ELP4: variants seen among roughly 807,000 people sequenced by gnomAD.
The protein encoded by ELP4 is elongator acetyltransferase complex subunit 4.
ELP4 carries 51 observed loss-of-function variants against 48.9 expected under a neutral mutation model. The ratio of observed to expected loss-of-function variants is 1.04; its 90% CI spans 0.83 to 1.32. The LOEUF (loss-of-function observed/expected upper bound fraction) is 1.32, where lower values mean the gene tolerates loss of function less well. ELP4 is among the 40% of genes most tolerant of loss of function. ELP4 has a pLI of 0.00. For synonymous variants in ELP4, 210 were observed against 189.2 expected, an observed-to-expected ratio of 1.11 and a Z score of -0.90; for missense variants, 519 against 514.6, an observed-to-expected ratio of 1.01 and a Z score of -0.08.
intron 4 of ELP4, among the ~76,000 whole-genome samples, chr11:31,598,019 G>A (rs1012116495): frequency 1.6e-5 from 2 of 128,480 alleles, no homozygotes; most frequent in Non-Finnish European, 3.1e-5. Context: ...ACAGTGGCAC[G>A]ATCTCAGCTC....
intron 7 of ELP4, chr11:31,637,319 C>T (rs1040341244): frequency 2.0e-5 from 3 of 151,822 alleles, no homozygotes; most frequent in Admixed American, 6.6e-5. Context: ...TGCTCACATT[C>T]TCACAACTCA....
intron 3 of ELP4, among the ~76,000 whole-genome samples, chr11:31,554,635 A>G (rs1024842800): frequency 1.3e-5 from 2 of 152,114 alleles, no homozygotes; most frequent in African/African-American, 4.8e-5. Context: ...ACAATGCAAT[A>G]TTATTAACTA....
chr11:31,727,934 G>A (rs1947110382), intron 9 of ELP4: 2 of 152,094 alleles, frequency 1.3e-5, no homozygotes, highest in African/African-American at 4.8e-5. Flanking sequence ...ATGATAAGCA[G>A]TATCTTATGC....
chr11:31,720,440 TG>T (rs1192405457), intron 9 of ELP4, among the ~76,000 whole-genome samples: 1 of 152,108 alleles, frequency 6.6e-6, no homozygotes, highest in African/African-American at 2.4e-5. Flanking sequence ...TGAATTGTAG[TG>T]AAGTGGTAAC....
chr11:31,614,705 A>G (rs1360330888), intron 5 of ELP4, among the ~76,000 whole-genome samples: 1 of 152,178 alleles, frequency 6.6e-6, no homozygotes, highest in Admixed American at 6.6e-5. Flanking sequence ...CGCAATGAGA[A>G]CTCAGCAATA....
chr11:31,648,837 A>G (rs1233567960), intron 8 of ELP4: 2 of 151,626 alleles, frequency 1.3e-5, no homozygotes, highest in Non-Finnish European at 3.0e-5. Flanking sequence ...TCCACCGAGT[A>G]AAGAGTGGTT....
chr11:31,557,107 A>C (rs1377502608), intron 3 of ELP4, among the ~76,000 whole-genome samples: 1 of 151,936 alleles, frequency 6.6e-6, no homozygotes, highest in Non-Finnish European at 1.5e-5. Flanking sequence ...ATGCAGCAAC[A>C]GAACATTTAG....
chr11:31,729,113 T>C (rs1402398773), intron 9 of ELP4, among the ~76,000 whole-genome samples: 6 of 152,192 alleles, frequency 3.9e-5, no homozygotes, highest in Non-Finnish European at 8.8e-5. Flanking sequence ...GGTTTTAAAC[T>C]AGTGAAACAG....
rs1481877653 is a variant in ELP4 at position 31,783,510 on chromosome 11, C to T, written c.1261C>T (p.His421Tyr). 12 of 1,613,958 alleles carry T rather than the reference C, an allele frequency of 7.4e-6. No homozygotes were observed. The East Asian group carries it at 2.5e-4, about 33-fold the overall frequency. Reference protein sequence around the residue: ...GCGMMAGGKKHLDF With the variant: ...GCGMMAGGKKYLDF The stretch of plus-strand genomic sequence containing the variant: ...TGGCATGATGGCCGGAGGCAAGAAG[C>T]ACCTGGACTTCTAGGGATTCCTCCT... Residue 421 changes from histidine to tyrosine, a missense_variant, in exon 10 of 10, where the codon CAC (histidine) becomes TAC (tyrosine). Coordinates refer to ENST00000640961, the MANE Select transcript of ELP4 (RefSeq NM_019040.5).
chr11:31,753,262 A>G (rs1354916703), intron 9 of ELP4, among the ~76,000 whole-genome samples: 1 of 152,164 alleles, frequency 6.6e-6, no homozygotes, highest in Non-Finnish European at 1.5e-5. Flanking sequence ...GACTTACAAG[A>G]CTTATGTGAT....
chr11:31,691,725 G>A (rs527841374), intron 9 of ELP4, among the ~76,000 whole-genome samples: 3 of 152,102 alleles, frequency 2.0e-5, no homozygotes, highest in South Asian at 4.1e-4. Context: ...TCTGATTTCT[G>A]AATTTAAAAC....
chr11:31,731,629 G>A (rs1054101538), intron 9 of ELP4, among the ~76,000 whole-genome samples: 1 of 149,076 alleles, frequency 6.7e-6, no homozygotes, highest in African/African-American at 2.5e-5. Flanking sequence ...GAAAAAAGGA[G>A]GCAGAAAGCT....
intron 9 of ELP4, among the ~76,000 whole-genome samples, chr11:31,756,978 A>G (rs1947847397): frequency 6.6e-6 from 1 of 152,220 alleles, no homozygotes; most frequent in Non-Finnish European, 1.5e-5. Context: ...AGAGAATCTG[A>G]TATAATGTCT....
intron 3 of ELP4, among the ~76,000 whole-genome samples, chr11:31,552,225 T>C (rs934880549): frequency 5.9e-5 from 9 of 152,290 alleles, no homozygotes; most frequent in Middle Eastern, 3.4e-3. Flanking sequence ...TTACTCAAAC[T>C]TTTAATAGAC....
intron 9 of ELP4, chr11:31,706,895 G>T (rs1365901607): frequency 2.5e-6 from 1 of 395,886 alleles, no homozygotes; most frequent in Non-Finnish European, 4.5e-6. Flanking sequence ...CATCCACATT[G>T]CTGCAAATGT....
At chr11:31,649,034 A>C (rs1429351526) in intron 8 of ELP4, 5 of 151,720 alleles carry the variant, frequency 3.3e-5, no homozygotes. Context: ...AGATAGTCTT[A>C]ATTTGTAGCC....
At chr11:31,634,191 CT>C (rs1355648051) in intron 7 of ELP4, 3 of 151,940 alleles carry the variant, frequency 2.0e-5, no homozygotes, top group Non-Finnish European at 4.4e-5. Context: ...TATTAACTAC[CT>C]TTGATGACAC....
intron 3 of ELP4, among the ~76,000 whole-genome samples, chr11:31,574,243 C>T (rs549045375): frequency 2.0e-5 from 3 of 152,294 alleles, no homozygotes; most frequent in Admixed American, 6.5e-5. Flanking sequence ...GGGGGAGGGA[C>T]GTCCACCATT....
intron 9 of ELP4, chr11:31,714,864 C>T (rs1946809780): frequency 7.5e-6 from 3 of 398,140 alleles, no homozygotes; most frequent in Non-Finnish European, 1.3e-5. Context: ...TACATTGGAC[C>T]CACTTAAATA....
Sources: allele counts gnomAD v4.1 joint callset (sites outside exome capture counted in the v4.1 genomes callset), GRCh38; gene constraint gnomAD v4.1.1; transcripts MANE v1.5; gene names NCBI Gene and HGNC (gene_info 2026-07-23, HGNC 2026-07-21).